ANKIB1: variants seen among roughly 807,000 people sequenced by gnomAD.
ANKIB1 encodes the protein ankyrin repeat and IBR domain-containing protein 1.
Under a neutral mutation model 122.1 loss-of-function variants are expected in ANKIB1, and 43 were observed. The ratio of observed to expected loss-of-function variants is 0.35; its 90% CI spans 0.28 to 0.45. The LOEUF (loss-of-function observed/expected upper bound fraction) is 0.45, where lower values mean the gene tolerates loss of function less well. Ranked by LOEUF, ANKIB1 falls within the 20% of genes least tolerant of loss-of-function variation. ANKIB1 has a pLI of 1.00. For synonymous variants in ANKIB1, 390 were observed against 442.0 expected (o/e 0.88, Z 1.48); for missense variants, 992 against 1,329.5 (o/e 0.75, Z 3.95).
At chr7:92,341,493 C>CAA (rs754130685) in intron 5 of ANKIB1, among the ~76,000 whole-genome samples, 48 of 117,662 alleles carry the variant, frequency 4.1e-4, no homozygotes, top group African/African-American at 1.2e-3. Context: ...CTCGTTGTGG[C>CAA]AAAAAAAAAA....
chr7:92,357,920 G>T (rs939406362), intron 9 of ANKIB1, among the ~76,000 whole-genome samples: 1 of 151,984 alleles, frequency 6.6e-6, no homozygotes, highest in African/African-American at 2.4e-5. Flanking sequence ...TCCAGATGCC[G>T]TAGTTTTTAA....
chr7:92,387,912 T>C, intron 13 of ANKIB1, 28 bp downstream of exon 13: 1 of 1,607,938 alleles, frequency 6.2e-7, no homozygotes, highest in Non-Finnish European at 8.5e-7. Context: ...TCAAATGAGC[T>C]GACCTATACT....
At chr7:92,395,503 C>CT (rs1405963757) in intron 17 of ANKIB1, among the ~76,000 whole-genome samples, 1 of 143,866 alleles carries the variant, frequency 7.0e-6, no homozygotes, top group Non-Finnish European at 1.5e-5. Flanking sequence ...ACTGTTGTTC[C>CT]TTTTTTTCTT....
At chr7:92,324,514 G>C (rs1269554248) in intron 4 of ANKIB1, among the ~76,000 whole-genome samples, 2 of 152,160 alleles carry the variant, frequency 1.3e-5, no homozygotes, top group Non-Finnish European at 2.9e-5. Context: ...GATTACAGGC[G>C]TGAGCCACCA....
chr7:92,327,237 A>G (rs1803047623), intron 4 of ANKIB1, among the ~76,000 whole-genome samples: 1 of 152,246 alleles, frequency 6.6e-6, no homozygotes, highest in Non-Finnish European at 1.5e-5. Context: ...GAGTCCCAGT[A>G]TCTGCTTTGC....
At chr7:92,267,630 G>A (rs1585079236) in intron 1 of ANKIB1, among the ~76,000 whole-genome samples, 1 of 152,056 alleles carries the variant, frequency 6.6e-6, no homozygotes, top group East Asian at 1.9e-4. Context: ...AAGCATTATT[G>A]TTTTACCTTT....
At chr7:92,280,752 G>A (rs760537137) in intron 1 of ANKIB1, among the ~76,000 whole-genome samples, 9 of 152,056 alleles carry the variant, frequency 5.9e-5, no homozygotes, top group African/African-American at 9.7e-5. Context: ...CTCAAATCTC[G>A]CTGACAACTT....
intron 1 of ANKIB1, among the ~76,000 whole-genome samples, chr7:92,278,536 T>C (rs1007126420): frequency 1.3e-5 from 2 of 152,206 alleles, no homozygotes; most frequent in Non-Finnish European, 2.9e-5. Context: ...ATGTGTCCCA[T>C]TTAACAATCT....
rs951201529 is a variant in ANKIB1, at chr7:92,250,274, T to A, written c.-91+3755T>A. Among the ~76,000 whole-genome samples the A allele has an allele frequency of 7.9e-5, 12 of 151,956 alleles. No individual in the cohort carries two copies. In the East Asian group the frequency reaches 1.4e-3, roughly 17 times the overall value. The stretch of plus-strand genomic sequence containing the variant: ...CGAGCGTGGTGGCACATGCCTGTAA[T>A]CCCAGCTACTCGGGAGGCTGAGGCA... On this transcript the variant is annotated intron_variant, in intron 1 of 19. Transcript: ENST00000265742.
At chr7:92,287,423 G>A (rs1259643996) in intron 1 of ANKIB1, among the ~76,000 whole-genome samples, 1 of 152,130 alleles carries the variant, frequency 6.6e-6, no homozygotes, top group African/African-American at 2.4e-5. Context: ...GAGTTTCTGT[G>A]ATATTTTCTC....
chr7:92,260,086 C>A (rs1446756632), intron 1 of ANKIB1, among the ~76,000 whole-genome samples: 2 of 152,180 alleles, frequency 1.3e-5, no homozygotes, highest in Non-Finnish European at 2.9e-5. Flanking sequence ...TAAGTCTGGT[C>A]ATTTCACTTC....
chr7:92,281,260 A>C (rs1432792032), intron 1 of ANKIB1, among the ~76,000 whole-genome samples: 1 of 152,218 alleles, frequency 6.6e-6, no homozygotes, highest in Non-Finnish European at 1.5e-5. Context: ...TCACATAGGT[A>C]CCTTCTAACT....
At chr7:92,301,372 A>G (rs533693746) in intron 2 of ANKIB1, among the ~76,000 whole-genome samples, 2 of 151,130 alleles carry the variant, frequency 1.3e-5, no homozygotes, top group African/African-American at 4.9e-5. Flanking sequence ...TTTTTTTGAT[A>G]ATTGCCATGC....
At chr7:92,260,452 A>G (rs951811035) in intron 1 of ANKIB1, among the ~76,000 whole-genome samples, 2 of 152,144 alleles carry the variant, frequency 1.3e-5, no homozygotes, top group African/African-American at 4.8e-5. Context: ...CTGAAGCAGG[A>G]GAATTCACTT....
intron 2 of ANKIB1, among the ~76,000 whole-genome samples, chr7:92,306,532 C>T (rs771684725): frequency 2.6e-5 from 4 of 152,088 alleles, no homozygotes; most frequent in Admixed American, 1.3e-4. Context: ...AATTAGATCA[C>T]GAGGTTGGAG....
Position 92,398,576 on chromosome 7 carries a change from A to G in ANKIB1, c.2897A>G (p.Asn966Ser), listed in dbSNP as rs1039112752. 6.8e-6 allele frequency: 11 copies of G among 1,613,930 alleles called. No homozygotes were observed. Among genetic ancestry groups the G allele is most frequent in the Middle Eastern group, 3.3e-4 (2 of 6,062 alleles). ...PDSAGQDPNI[N>S]DNLLGNIMAW... ...TCAGCTGGCCAGGACCCCAACATCA[A>G]TGACAATCTTCTCGGCAACATCATG... Residue 966 changes from asparagine to serine, a missense_variant, in exon 20 of 20, where the codon AAT becomes AGT. Asn to Ser is a conservative substitution (Grantham distance 46). This residue lies in a region of ANKIB1 where 384 missense variants were observed against 412.0 expected (regional missense o/e 0.93). Transcript: ENST00000265742.
At chr7:92,375,238 G>A (rs1804354717) in intron 11 of ANKIB1, among the ~76,000 whole-genome samples, 1 of 152,212 alleles carries the variant, frequency 6.6e-6, no homozygotes, top group South Asian at 2.1e-4. Flanking sequence ...GGTGGTTGCT[G>A]AAGGTTGAGT....
intron 10 of ANKIB1, among the ~76,000 whole-genome samples, chr7:92,363,756 GC>G (rs1248598175): frequency 6.6e-6 from 1 of 152,196 alleles, no homozygotes; most frequent in African/African-American, 2.4e-5. Context: ...ATTTACCACT[GC>G]CTGAGGGCTG....
chr7:92,248,640 T>C (rs1408456603), intron 1 of ANKIB1, among the ~76,000 whole-genome samples: 2 of 152,200 alleles, frequency 1.3e-5, no homozygotes, highest in African/African-American at 2.4e-5. Context: ...GATTAAGTTT[T>C]AAAATATTTC....
Sources: allele counts gnomAD v4.1 joint callset (sites outside exome capture counted in the v4.1 genomes callset), GRCh38; gene constraint gnomAD v4.1.1; regional missense constraint gnomAD v4.1.1; transcripts MANE v1.5; gene names NCBI Gene and HGNC (gene_info 2026-07-23, HGNC 2026-07-21).